Variants in SLC61A1 observed in about 807,000 individuals in gnomAD.
SLC61A1 encodes solute carrier family 61 member 1, also known as major facilitator superfamily domain containing 5.
At chr12:53,253,725 C>T in the SLC61A1 span, 2 of 1,614,058 alleles carry the variant, frequency 1.2e-6, no homozygotes, top group Non-Finnish European at 1.7e-6. Context: ...CTTGGCTCTT[C>T]CCTGTACCGT....
chr12:53,252,667 C>T, the SLC61A1 span: 5 of 1,207,798 alleles, frequency 4.1e-6, no homozygotes, highest in East Asian at 1.0e-4. Context: ...GTGGCCACTC[C>T]TCCCACCCAC....
chr12:53,254,036 C>A, the SLC61A1 span: 15 of 1,614,156 alleles, frequency 9.3e-6, no homozygotes, highest in South Asian at 1.3e-4. Context: ...TGACAGTGAT[C>A]GAAAAACAGG....
At chr12:53,251,587 C>T in the SLC61A1 span, 1 of 782,702 alleles carries the variant, frequency 1.3e-6, no homozygotes, top group South Asian at 1.9e-5. Context: ...AACTGGGACA[C>T]TGGGAAGTTA....
At chr12:53,254,270 T>C in the SLC61A1 span, 1 of 1,491,638 alleles carries the variant, frequency 6.7e-7, no homozygotes, top group Non-Finnish European at 9.1e-7. Flanking sequence ...GTGACTGACT[T>C]TGTGACTGTC....
the SLC61A1 span, chr12:53,252,558 G>A: frequency 7.3e-7 from 1 of 1,374,284 alleles, no homozygotes; most frequent in Non-Finnish European, 9.5e-7. Context: ...TATTGAAAGG[G>A]ACTCCCTCTT....
chr12:53,253,462 T>C, the SLC61A1 span: 1 of 1,614,034 alleles, frequency 6.2e-7, no homozygotes, highest in South Asian at 1.1e-5. Context: ...CTGCCATCCC[T>C]CTCCTGGCTC....
chr12:53,251,994 C>G, the SLC61A1 span: 654 of 1,536,110 alleles, frequency 4.3e-4, 3 homozygotes, highest in African/African-American at 7.5e-3. Context: ...CTATGGTCGC[C>G]CCTTCCCGAC....
At chr12:53,253,069 C>T in the SLC61A1 span, 1 of 1,614,244 alleles carries the variant, frequency 6.2e-7, no homozygotes, top group South Asian at 1.1e-5. Flanking sequence ...GTCAAATTGC[C>T]ATCCTCTATG....
chr12:53,253,553 C>T, the SLC61A1 span: 1 of 1,614,066 alleles, frequency 6.2e-7, no homozygotes, highest in Admixed American at 1.7e-5. Context: ...TGCTGGAGGC[C>T]TGCGCTGCCT....
the SLC61A1 span, chr12:53,253,304 G>A: frequency 1.4e-5 from 23 of 1,614,134 alleles, no homozygotes; most frequent in South Asian, 2.2e-5. Flanking sequence ...CCATGAGCAC[G>A]TGGAACGGCA....
At chr12:53,253,088 C>T in the SLC61A1 span, 7 of 1,614,136 alleles carry the variant, frequency 4.3e-6, no homozygotes, top group Non-Finnish European at 5.9e-6. Flanking sequence ...TGTCTGTGGC[C>T]TTGCCTCTAC....
At chr12:53,252,230 C>T in the SLC61A1 span, 1 of 1,411,958 alleles carries the variant, frequency 7.1e-7, no homozygotes, top group Non-Finnish European at 9.1e-7. Flanking sequence ...GGCCTGGAGC[C>T]GGACGTGTCC....
At chr12:53,254,282 T>C in the SLC61A1 span, 3 of 1,446,146 alleles carry the variant, frequency 2.1e-6, no homozygotes, top group Non-Finnish European at 1.9e-6. Flanking sequence ...GTGACTGTCC[T>C]GTGGTTTCTC....
chr12:53,252,732 G>A, the SLC61A1 span: 20 of 1,452,428 alleles, frequency 1.4e-5, no homozygotes, highest in Non-Finnish European at 1.8e-5. Flanking sequence ...AGCGGGGTTG[G>A]GTGGAGCTGC....
the SLC61A1 span, chr12:53,254,127 G>C: frequency 6.2e-7 from 1 of 1,614,200 alleles, no homozygotes. Flanking sequence ...ACCGTGGTAA[G>C]GCATGATGCT....
At chr12:53,251,322 G>A in the SLC61A1 span, 2 of 175,364 alleles carry the variant, frequency 1.1e-5, no homozygotes, top group Admixed American at 1.1e-4. Context: ...AGTGGCAGAG[G>A]GTCAGAGGAC....
At chr12:53,254,252 A>C in the SLC61A1 span, 4 of 1,550,404 alleles carry the variant, frequency 2.6e-6, no homozygotes, top group Middle Eastern at 1.7e-4. Context: ...GATTGTACAG[A>C]TCTCTCTGTG....
At chr12:53,251,506 T>C in the SLC61A1 span, 3 of 543,046 alleles carry the variant, frequency 5.5e-6, no homozygotes, top group Non-Finnish European at 9.7e-6. Flanking sequence ...AAGGCTGAAG[T>C]TCTTAACCCC....
the SLC61A1 span, chr12:53,253,505 G>C: frequency 6.2e-7 from 1 of 1,614,212 alleles, no homozygotes. Context: ...AAACTGGGGG[G>C]AGAACTATGA....
Sources: allele counts gnomAD v4.1 joint callset, GRCh38; gene constraint gnomAD v4.1.1; transcripts MANE v1.5; gene names NCBI Gene and HGNC (gene_info 2026-07-23, HGNC 2026-07-21).